The following SPAG16 variants were observed in gnomAD, a reference collection of about 807,000 sequenced individuals.
SPAG16 encodes sperm-associated antigen 16 protein.
SPAG16 carries 86 observed loss-of-function variants against 80.4 expected under a neutral mutation model. The ratio of observed to expected loss-of-function variants is 1.07; its 90% CI spans 0.90 to 1.28. The LOEUF (loss-of-function observed/expected upper bound fraction) is 1.28, where lower values mean the gene tolerates loss of function less well. Among genes scored for constraint, SPAG16 ranks in the 50% most tolerant of loss-of-function variants. The pLI, the probability that SPAG16 is intolerant of heterozygous loss-of-function variation, is 0.00. For synonymous variants in SPAG16, 294 were observed against 265.9 expected, an observed-to-expected ratio of 1.11 and a Z score of -1.03; for missense variants, 870 against 765.3, an observed-to-expected ratio of 1.14 and a Z score of -1.61.
At chr2:214,229,036 C>T (rs1317782743) in intron 15 of SPAG16, among the ~76,000 whole-genome samples, 2 of 151,160 alleles carry the variant, frequency 1.3e-5, no homozygotes, top group African/African-American at 2.4e-5. Flanking sequence ...TGCTATGGAG[C>T]CAACTTTCAT....
chr2:213,962,127 A>G (rs2044466531), intron 12 of SPAG16, among the ~76,000 whole-genome samples: 1 of 152,042 alleles, frequency 6.6e-6, no homozygotes, highest in African/African-American at 2.4e-5. Context: ...GAGATAAGGC[A>G]TTTAAAGCGG....
chr2:213,500,681 G>T (rs759724693), intron 10 of SPAG16, among the ~76,000 whole-genome samples: 1 of 152,218 alleles, frequency 6.6e-6, no homozygotes, highest in Non-Finnish European at 1.5e-5. Flanking sequence ...GACAGAGAAC[G>T]ACCAATGTTA....
chr2:213,541,626 G>C (rs1169678839), intron 10 of SPAG16, among the ~76,000 whole-genome samples: 1 of 151,686 alleles, frequency 6.6e-6, no homozygotes, highest in African/African-American at 2.4e-5. Flanking sequence ...TCTCAAAAAA[G>C]AAAAAAATAA....
At chr2:213,741,345 T>C (rs1034820678) in intron 10 of SPAG16, among the ~76,000 whole-genome samples, 5 of 152,154 alleles carry the variant, frequency 3.3e-5, no homozygotes, top group African/African-American at 1.2e-4. Context: ...CTCCTATATG[T>C]TGGAATTTGA....
At chr2:213,322,411 A>T (rs1316252435) in intron 5 of SPAG16, among the ~76,000 whole-genome samples, 1 of 150,846 alleles carries the variant, frequency 6.6e-6, no homozygotes, top group Non-Finnish European at 1.5e-5. Flanking sequence ...CTTGAACTTT[A>T]ACATCTTGCA....
At chr2:213,377,895 ATATATATATTTT>A (rs781238259) in intron 9 of SPAG16, among the ~76,000 whole-genome samples, 15,481 of 49,094 alleles carry the variant, frequency 0.32, 1,323 homozygotes, top group African/African-American at 0.44. Context: ...ATATATATAT[ATATATATATTTT>A]TTTTTTTTTT....
chr2:214,001,549 C>G (rs554229242), intron 12 of SPAG16, among the ~76,000 whole-genome samples: 44 of 152,190 alleles, frequency 2.9e-4, no homozygotes, highest in Non-Finnish European at 5.7e-4. Flanking sequence ...TTTACTTAGT[C>G]TATTAACTTT....
intron 12 of SPAG16, among the ~76,000 whole-genome samples, chr2:213,975,088 A>G (rs529776865): frequency 2.6e-5 from 4 of 151,490 alleles, no homozygotes; most frequent in Admixed American, 2.6e-4. Flanking sequence ...CTTTAAATAT[A>G]ATTAATAGTA....
chr2:214,189,990 C>T (rs918627680), intron 15 of SPAG16, among the ~76,000 whole-genome samples: 1 of 151,996 alleles, frequency 6.6e-6, no homozygotes, highest in African/African-American at 2.4e-5. Context: ...GAACCAGTCT[C>T]CAGAATGAAC....
rs761835945 is a variant in SPAG16, at chr2:214,352,558, C to CTGTGTGTGTGTGTGTGTGTG, written c.1721-57565_1721-57564insGTGTGTGTGTGTGTGTGTGT. Reference sequence around the variant, plus strand: ...GCTTTTTGTCCTTGACTTTTTTTCTCTGTGTGTGTGTGTGTGTATGTGTGA... The same window carrying CTGTGTGTGTGTGTGTGTGTG: ...GCTTTTTGTCCTTGACTTTTTTTCTCTGTGTGTGTGTGTGTGTGTGTGTGTGTGTGTGTGTGTATGTGTGA... On this transcript the variant is annotated intron_variant, in intron 15 of 15. Transcript: ENST00000331683. Among the ~76,000 whole-genome samples, 894 of 142,524 alleles carry CTGTGTGTGTGTGTGTGTGTG rather than the reference C, an allele frequency of 6.3e-3. 14 individuals are homozygous for CTGTGTGTGTGTGTGTGTGTG. The highest frequency in any genetic ancestry group is 0.024 in the South Asian group (111 of 4,596). The allele number at this position is 142,524 out of a possible 152,430, so 93.5% of individuals were successfully genotyped here.
At chr2:214,062,665 C>G (rs1480370709) in intron 13 of SPAG16, among the ~76,000 whole-genome samples, 1 of 111,168 alleles carries the variant, frequency 9.0e-6, no homozygotes, top group African/African-American at 3.4e-5. Flanking sequence ...TAATAGCCTC[C>G]TCTTTTTTTT....
intron 10 of SPAG16, among the ~76,000 whole-genome samples, chr2:213,682,054 C>T (rs1466571583): frequency 1.3e-5 from 2 of 152,120 alleles, no homozygotes; most frequent in African/African-American, 4.8e-5. Flanking sequence ...CTGCTGTACC[C>T]AGCCCAACCA....
intron 13 of SPAG16, among the ~76,000 whole-genome samples, chr2:214,080,459 T>C (rs957531731): frequency 1.4e-5 from 2 of 146,984 alleles, no homozygotes; most frequent in Non-Finnish European, 3.0e-5. Context: ...AAAAAAAAAA[T>C]TAGCCGGGCG....
At chr2:213,945,040 T>C (rs933917780) in intron 12 of SPAG16, among the ~76,000 whole-genome samples, 3 of 151,832 alleles carry the variant, frequency 2.0e-5, no homozygotes, top group African/African-American at 7.3e-5. Flanking sequence ...TCCATCTCAA[T>C]AAAAGACAAG....
At chr2:214,152,835 A>G (rs2056042132) in intron 15 of SPAG16, among the ~76,000 whole-genome samples, 1 of 152,144 alleles carries the variant, frequency 6.6e-6, no homozygotes, top group African/African-American at 2.4e-5. Context: ...AGAGAGGGAG[A>G]GGAGACAGAG....
chr2:213,612,520 C>A lies in SPAG16; in HGVS notation c.1070+122430C>A, dbSNP rs181911336. 3.3e-3 allele frequency among the ~76,000 whole-genome samples: 506 copies of A among 152,182 alleles called. 1 individual carries two copies. The highest frequency in any genetic ancestry group is 0.01 in the Middle Eastern group (3 of 294). On this transcript the variant is annotated intron_variant, in intron 10 of 15. Transcript: ENST00000331683. ...ACATGTGCAGATATAACCTTCTGAA[C>A]CTGTTTCTTTTTTGCCTCAGTAAAT...
chr2:214,093,872 A>G (rs1465217486), intron 13 of SPAG16, among the ~76,000 whole-genome samples: 2 of 152,068 alleles, frequency 1.3e-5, no homozygotes, highest in African/African-American at 4.8e-5. Context: ...TTTGCCCTCT[A>G]TCCCATGACT....
At chr2:214,174,362 G>A (rs1287428695) in intron 15 of SPAG16, among the ~76,000 whole-genome samples, 2 of 151,734 alleles carry the variant, frequency 1.3e-5, no homozygotes, top group Admixed American at 6.6e-5. Context: ...TCCTTAAGCT[G>A]ATAAGCAACT....
chr2:213,304,339 TATTG>T (rs1210087105), intron 3 of SPAG16, among the ~76,000 whole-genome samples: 2 of 152,128 alleles, frequency 1.3e-5, no homozygotes, highest in Non-Finnish European at 2.9e-5. Context: ...CCCTTCACAT[TATTG>T]ATTGTTTCCT....
Sources: gnomAD v4.1 joint callset for allele counts (sites outside exome capture counted in the v4.1 genomes callset) on GRCh38, gnomAD v4.1.1 for gene constraint, MANE v1.5 for transcripts, NCBI Gene and HGNC (gene_info 2026-07-23, HGNC 2026-07-21) for gene names.